Variants in SHISA5 observed in about 807,000 individuals in gnomAD.
The protein encoded by SHISA5 is protein shisa-5.
Under a neutral mutation model 27.5 loss-of-function variants are expected in SHISA5, and 21 were observed. That is an observed-to-expected ratio of 0.76 (90% CI 0.54 to 1.10). SHISA5 has a LOEUF of 1.10. Ranked by LOEUF, SHISA5 falls within the 50% of genes least tolerant of loss-of-function variation. SHISA5 has a pLI of 0.00. For missense variants in SHISA5, 314 were observed against 336.3 expected (o/e 0.93, Z 0.52); for synonymous variants, 137 against 142.2 (o/e 0.96, Z 0.26).
intron 2 of SHISA5, among the ~76,000 whole-genome samples, chr3:48,486,831 A>C (rs1219816472): frequency 6.7e-6 from 1 of 150,232 alleles, no homozygotes; most frequent in Non-Finnish European, 1.5e-5. Context: ...GAGACAGGAG[A>C]ATCACTTGAA....
intron 2 of SHISA5, among the ~76,000 whole-genome samples, chr3:48,487,992 T>C (rs1159296252): frequency 6.6e-6 from 1 of 152,156 alleles, no homozygotes; most frequent in African/African-American, 2.4e-5. Context: ...AAAAGCATTA[T>C]AAACAATTAT....
At chr3:48,478,109 C>A (rs1261915219) in intron 3 of SHISA5, among the ~76,000 whole-genome samples, 1 of 152,250 alleles carries the variant, frequency 6.6e-6, no homozygotes, top group Non-Finnish European at 1.5e-5. Flanking sequence ...GCATAGGCAT[C>A]TCCCACGGGG....
intron 2 of SHISA5, among the ~76,000 whole-genome samples, chr3:48,486,784 T>C (rs983998437): frequency 4.7e-5 from 7 of 149,614 alleles, no homozygotes; most frequent in Non-Finnish European, 1.0e-4. Flanking sequence ...TGGTGGCGCA[T>C]GCCTGTAATC....
At chr3:48,486,981 C>A (rs1437049276) in intron 2 of SHISA5, among the ~76,000 whole-genome samples, 1 of 151,582 alleles carries the variant, frequency 6.6e-6, no homozygotes, top group Non-Finnish European at 1.5e-5. Context: ...TGTGGCGGCT[C>A]ATGCCTATAA....
At chr3:48,495,586 A>G (rs2041516668) in intron 2 of SHISA5, among the ~76,000 whole-genome samples, 1 of 146,460 alleles carries the variant, frequency 6.8e-6, no homozygotes. Flanking sequence ...CAGTGACACA[A>G]TATCAGCTCA....
In SHISA5 at chr3:48,473,678, C is replaced by G. The variant is rs560489390; in HGVS notation, c.315-3835G>C. On this transcript the variant is annotated intron_variant, in intron 3 of 5. Transcript: ENST00000296444. The surrounding 1 kb of genome is among the most constrained non-coding windows in gnomAD (Gnocchi z 4.3). The stretch of plus-strand genomic sequence containing the variant: ...AACGCCAGCTATGGCTCCTGTAGCT[C>G]TTGCGATTACAAAGGAATTTGCTTT... The G allele has an allele frequency of 1.7e-5, 18 of 1,044,706 alleles. No individual in the cohort carries two copies. In the East Asian group the frequency reaches 1.1e-3, roughly 64 times the overall value. The allele number at this position is 1,044,706 out of a possible 1,614,324, so 64.7% of individuals were successfully genotyped here.
At chr3:48,472,450 C>T (rs778040671) in intron 3 of SHISA5, among the ~76,000 whole-genome samples, 6 of 151,526 alleles carry the variant, frequency 4.0e-5, no homozygotes, top group African/African-American at 7.3e-5. Flanking sequence ...GAGCAGAGAT[C>T]GCGCCACTGC....
At chr3:48,488,820 C>T (rs1309927278) in intron 2 of SHISA5, among the ~76,000 whole-genome samples, 1 of 128,640 alleles carries the variant, frequency 7.8e-6, no homozygotes, top group African/African-American at 3.0e-5. Context: ...GCAACAAGAG[C>T]GAAACTCCGT....
chr3:48,468,013 G>T lies in SHISA5; in HGVS notation c.*1094C>A, dbSNP rs1447646624. The T allele has an allele frequency of 8.6e-6, 3 of 347,552 alleles. No individual in the cohort carries two copies. Among genetic ancestry groups the T allele is most frequent in the Non-Finnish European group, 1.3e-5 (3 of 231,002 alleles). 21.5% of individuals were successfully genotyped at this position (347,552 alleles called of 1,614,324 possible). The stretch of plus-strand genomic sequence containing the variant: ...AGGTATTCATGTCTGGGCCAGAGCT[G>T]CCATCCAGGGCCCCACACCCCACCT... On this transcript the variant is annotated 3_prime_UTR_variant, in exon 6 of 6. Coordinates refer to ENST00000296444, the MANE Select transcript of SHISA5 (RefSeq NM_016479.6).
rs1252502997 is a variant in SHISA5, at chr3:48,473,039, G to A, written c.315-3196C>T. 2.0e-6 allele frequency: 3 copies of A among 1,535,558 alleles called. No homozygotes were observed. In the Admixed American group the frequency reaches 5.9e-5, roughly 30 times the overall value. On this transcript the variant is annotated intron_variant, in intron 3 of 5. Coordinates refer to ENST00000296444, the MANE Select transcript of SHISA5 (RefSeq NM_016479.6). This position sits in a 1 kb window ranked among gnomAD's most constrained non-coding sequence, Gnocchi z 4.3. ...TGTTAGCCTCTGCCTTCACCCAGAG[G>A]CCTCCTGTACCCCTGGGCTTTCCCC...
At chr3:48,492,332 C>T (rs1222501910) in intron 2 of SHISA5, among the ~76,000 whole-genome samples, 2 of 151,110 alleles carry the variant, frequency 1.3e-5, no homozygotes, top group Admixed American at 6.6e-5. Flanking sequence ...TAGCCGGGCG[C>T]GGTGGCGGGC....
chr3:48,488,494 T>C (rs190221742), intron 2 of SHISA5, among the ~76,000 whole-genome samples: 1,490 of 148,518 alleles, frequency 0.01, 20 homozygotes, highest in African/African-American at 0.035. Context: ...CCCAAAGTGC[T>C]GGGATTACAG....
At chr3:48,484,284 G>A (rs2041125848) in intron 2 of SHISA5, among the ~76,000 whole-genome samples, 2 of 152,184 alleles carry the variant, frequency 1.3e-5, no homozygotes, top group African/African-American at 4.8e-5. Context: ...CAGTAAAGCT[G>A]AGGAGAAAAT....
chr3:48,484,963 G>A (rs148266777), intron 2 of SHISA5, among the ~76,000 whole-genome samples: 13 of 152,242 alleles, frequency 8.5e-5, no homozygotes, highest in Admixed American at 5.9e-4. Flanking sequence ...GGAGGCCGAG[G>A]CTAGAGAATC....
intron 2 of SHISA5, among the ~76,000 whole-genome samples, chr3:48,483,470 G>T (rs945707898): frequency 2.0e-5 from 3 of 152,096 alleles, no homozygotes; most frequent in Non-Finnish European, 4.4e-5. Context: ...CAAAATGAAA[G>T]GTCTCCCATG....
chr3:48,483,698 G>T (rs2041099319), intron 2 of SHISA5, among the ~76,000 whole-genome samples: 1 of 151,188 alleles, frequency 6.6e-6, no homozygotes, highest in South Asian at 2.1e-4. Flanking sequence ...CCCGGACGGG[G>T]CGGCTGGCCG....
At chr3:48,489,064 C>T (rs2041341156) in intron 2 of SHISA5, among the ~76,000 whole-genome samples, 1 of 152,106 alleles carries the variant, frequency 6.6e-6, no homozygotes, top group African/African-American at 2.4e-5. Flanking sequence ...GGCTGTCGGA[C>T]ATCTAAGATC....
chr3:48,502,825 G>T (rs146672093), intron 1 of SHISA5, among the ~76,000 whole-genome samples: 1 of 152,210 alleles, frequency 6.6e-6, no homozygotes, highest in South Asian at 2.1e-4. Context: ...GCCATAGCAC[G>T]TGGCCTCTGG....
rs1316400029 is a variant in SHISA5, at chr3:48,470,950, AC to A, written c.315-1108del. On this transcript the variant is annotated intron_variant, in intron 3 of 5. Coordinates refer to ENST00000296444, the MANE Select transcript of SHISA5 (RefSeq NM_016479.6). This position sits in a 1 kb window ranked among gnomAD's most constrained non-coding sequence, Gnocchi z 4.3. ...TCAAAAATGAAAGAAAAAAAAAAAA[AC>A]CTGACTTCCAAATGCAGACAGAGCC... 1.8e-4 allele frequency among the ~76,000 whole-genome samples: 27 copies of A among 151,442 alleles called. No homozygotes were observed. Among genetic ancestry groups the A allele is most frequent in the African/African-American group, 4.9e-4 (20 of 40,968 alleles).
Sources: gnomAD v4.1 joint callset for allele counts (sites outside exome capture counted in the v4.1 genomes callset) on GRCh38, gnomAD v4.1.1 for gene constraint, Gnocchi (gnomAD v3.1) non-coding constraint, MANE v1.5 for transcripts, NCBI Gene and HGNC (gene_info 2026-07-23, HGNC 2026-07-21) for gene names.